Variants in GABBR2 observed in about 807,000 individuals in gnomAD.
GABBR2 encodes G-protein coupled receptor 51.
In GABBR2, 23 loss-of-function variants were observed where a neutral mutation model predicts 105.6. The observed-to-expected ratio is 0.22, with a 90% CI of 0.16 to 0.31. GABBR2 has a LOEUF of 0.31. GABBR2 is among the 10% of genes least tolerant of loss of function. The probability of loss-of-function intolerance (pLI) is 1.00; values close to 1 mark genes in which losing one functional copy is unlikely to be tolerated. For synonymous variants in GABBR2, 478 were observed against 499.7 expected, an observed-to-expected ratio of 0.96 and a Z score of 0.58; for missense variants, 734 against 1,245.5, an observed-to-expected ratio of 0.59 and a Z score of 6.18.
At chr9:98,429,441 G>A (rs1213688868) in intron 7 of GABBR2, among the ~76,000 whole-genome samples, 3 of 151,946 alleles carry the variant, frequency 2.0e-5, no homozygotes, top group African/African-American at 2.4e-5. Flanking sequence ...ACGCCTGGCC[G>A]GATTTTGGTA....
intron 4 of GABBR2, among the ~76,000 whole-genome samples, chr9:98,492,440 C>T (rs1186770968): frequency 2.0e-5 from 3 of 146,562 alleles, no homozygotes; most frequent in African/African-American, 7.5e-5. Context: ...AACCCCTCAT[C>T]CAGTTTTCCC....
intron 1 of GABBR2, chr9:98,707,472 C>G (rs918151781): frequency 3.3e-5 from 5 of 152,456 alleles, no homozygotes; most frequent in African/African-American, 4.8e-5. Flanking sequence ...CCTCCAGACC[C>G]GCTCCGCGCG....
intron 1 of GABBR2, among the ~76,000 whole-genome samples, chr9:98,659,054 A>G (rs145021722): frequency 0.032 from 4,939 of 152,336 alleles, 133 homozygotes; most frequent in Middle Eastern, 0.058. Flanking sequence ...GTATTTTCTC[A>G]GCCAAGAAAA....
intron 7 of GABBR2, among the ~76,000 whole-genome samples, chr9:98,420,137 T>C (rs1225403467): frequency 1.3e-5 from 2 of 151,970 alleles, no homozygotes; most frequent in Non-Finnish European, 2.9e-5. Context: ...CAAAAAGTGT[T>C]CTTGAACTCT....
At chr9:98,487,253 A>T (rs1183471885) in intron 4 of GABBR2, among the ~76,000 whole-genome samples, 1 of 152,078 alleles carries the variant, frequency 6.6e-6, no homozygotes, top group Non-Finnish European at 1.5e-5. Context: ...TGCCTGTATG[A>T]ACTTCAGTTT....
At chr9:98,414,722 G>A (rs373389560) in intron 7 of GABBR2, among the ~76,000 whole-genome samples, 30 of 152,214 alleles carry the variant, frequency 2.0e-4, no homozygotes, top group African/African-American at 5.1e-4. Flanking sequence ...GGTTGGGTGC[G>A]GCCATGTGAC....
At chr9:98,370,384 G>A (rs2131460114) in intron 12 of GABBR2, among the ~76,000 whole-genome samples, 1 of 152,252 alleles carries the variant, frequency 6.6e-6, no homozygotes, top group East Asian at 1.9e-4. Context: ...GTCTAAAGGG[G>A]CCACTGCAAT....
intron 6 of GABBR2, among the ~76,000 whole-genome samples, chr9:98,465,120 C>CAAAAAAAAAAAAAAAAAAAAAAAAA (rs1826519056): frequency 3.7e-4 from 1 of 2,714 alleles, no homozygotes; most frequent in Non-Finnish European, 7.5e-4. Flanking sequence ...TCAATAAATA[C>CAAAAAAAAAAAAAAAAAAAAAAAAA]TAAAAAAAAA....
intron 13 of GABBR2, among the ~76,000 whole-genome samples, chr9:98,318,361 C>T (rs554823676): frequency 6.6e-6 from 1 of 152,284 alleles, no homozygotes; most frequent in South Asian, 2.1e-4. Flanking sequence ...TGGTTAAGAA[C>T]GCAGATTCTC....
At chr9:98,343,534 G>T (rs1831250202) in intron 13 of GABBR2, among the ~76,000 whole-genome samples, 1 of 152,030 alleles carries the variant, frequency 6.6e-6, no homozygotes, top group Admixed American at 6.6e-5. Context: ...TTTACTTTTG[G>T]GGAAAATTAT....
At chr9:98,603,893 A>G (rs1370843943) in intron 1 of GABBR2, among the ~76,000 whole-genome samples, 1 of 152,188 alleles carries the variant, frequency 6.6e-6, no homozygotes, top group African/African-American at 2.4e-5. Context: ...ACTAAACCCC[A>G]AGAACCTTCC....
chr9:98,575,988 A>G (rs1220852283), intron 2 of GABBR2, among the ~76,000 whole-genome samples: 2 of 152,124 alleles, frequency 1.3e-5, no homozygotes, highest in Admixed American at 1.3e-4. Context: ...AGCCAGCTTC[A>G]TGCACCTACC....
chr9:98,417,496 G>A (rs1442686013), intron 7 of GABBR2, among the ~76,000 whole-genome samples: 3 of 152,164 alleles, frequency 2.0e-5, no homozygotes, highest in African/African-American at 4.8e-5. Context: ...CTTACAGTGA[G>A]TAGTTCGGGG....
intron 16 of GABBR2, among the ~76,000 whole-genome samples, chr9:98,300,127 G>A (rs1375516487): frequency 6.6e-6 from 1 of 151,690 alleles, no homozygotes; most frequent in African/African-American, 2.4e-5. Flanking sequence ...GCCTCCCAAA[G>A]TGCTGGGTTT....
intron 1 of GABBR2, among the ~76,000 whole-genome samples, chr9:98,618,785 C>A (rs184154290): frequency 5.9e-5 from 9 of 152,028 alleles, no homozygotes; most frequent in African/African-American, 1.9e-4. Flanking sequence ...TTGATGTAAT[C>A]ATGACAGAAA....
chr9:98,670,974 TAAG>T (rs1830399789), intron 1 of GABBR2, among the ~76,000 whole-genome samples: 2 of 152,172 alleles, frequency 1.3e-5, no homozygotes, highest in Non-Finnish European at 2.9e-5. Context: ...TTAAAATGGC[TAAG>T]AAGGTAAGTT....
intron 6 of GABBR2, among the ~76,000 whole-genome samples, chr9:98,463,588 GCC>G (rs1826466355): frequency 7.2e-6 from 1 of 138,138 alleles, no homozygotes. Flanking sequence ...CCTCTCCCTC[GCC>G]CTCTCGCTCT....
intron 7 of GABBR2, among the ~76,000 whole-genome samples, chr9:98,434,620 C>A (rs1825869553): frequency 6.6e-6 from 1 of 152,192 alleles, no homozygotes; most frequent in South Asian, 2.1e-4. Flanking sequence ...ACACCAATTC[C>A]AACACACCAC....
intron 9 of GABBR2, among the ~76,000 whole-genome samples, chr9:98,392,681 C>T (rs1433497387): frequency 6.6e-6 from 1 of 152,166 alleles, no homozygotes; most frequent in Non-Finnish European, 1.5e-5. Context: ...CTTAAAAGCT[C>T]CTGGCACAGA....
Sources: allele counts gnomAD v4.1 joint callset (sites outside exome capture counted in the v4.1 genomes callset), GRCh38; gene constraint gnomAD v4.1.1; transcripts MANE v1.5; gene names NCBI Gene and HGNC (gene_info 2026-07-23, HGNC 2026-07-21).